Variants in CSE1L observed in about 807,000 individuals in gnomAD.
The protein encoded by CSE1L is chromosome segregation 1 like.
A neutral mutation model predicts 120.4 loss-of-function variants in CSE1L; 24 were observed. The observed-to-expected ratio is 0.20, with a 90% confidence interval of 0.14 to 0.28. CSE1L has a LOEUF of 0.28. CSE1L is among the 10% of genes least tolerant of loss of function. The probability of loss-of-function intolerance (pLI) is 1.00; values close to 1 mark genes in which losing one functional copy is unlikely to be tolerated. For synonymous variants in CSE1L, 402 were observed against 398.3 expected (o/e 1.01, Z -0.11); for missense variants, 830 against 1,145.2 (o/e 0.72, Z 3.97).
chr20:49,054,795 G>A (rs373328643), intron 1 of CSE1L, among the ~76,000 whole-genome samples: 1 of 152,180 alleles, frequency 6.6e-6, no homozygotes, highest in Non-Finnish European at 1.5e-5. Context: ...GCCAAGTATG[G>A]AGGAACCTAT....
chr20:49,070,835 C>G (rs538432766), intron 8 of CSE1L, among the ~76,000 whole-genome samples: 1 of 152,200 alleles, frequency 6.6e-6, no homozygotes, highest in East Asian at 1.9e-4. Context: ...ACTCAGAAGG[C>G]TTAGTTGTGA....
rs2092085908 is a variant in CSE1L, at chr20:49,089,662, A to G, written c.2097A>G (p.Gly699=). The change falls in exon 19 of 25, where the codon GGA becomes GGG. Residue 699 remains glycine (G), a synonymous_variant. Coordinates refer to ENST00000262982, the MANE Select transcript of CSE1L (RefSeq NM_001316.4). ...AGCCAGTGCTTTGGGAAAGAACAGG[A>G]AATATTCCTGCTCTAGTGAGGCTTC... ...LLQPVLWERT[G]NIPALVRLLQ... 1.9e-6 allele frequency: 3 copies of G among 1,614,090 alleles called. No individual in the cohort carries two copies. The South Asian group carries it at 3.3e-5, about 18-fold the overall frequency.
At chr20:49,069,330 G>A (rs2091915626) in intron 7 of CSE1L, among the ~76,000 whole-genome samples, 1 of 152,218 alleles carries the variant, frequency 6.6e-6, no homozygotes, top group Non-Finnish European at 1.5e-5. Context: ...AGCAGGGAAT[G>A]CCTAGTTACC....
At chr20:49,095,623 A>T (rs2092133518) in intron 24 of CSE1L, among the ~76,000 whole-genome samples, 1 of 151,838 alleles carries the variant, frequency 6.6e-6, no homozygotes, top group Admixed American at 6.6e-5. Context: ...ATTTTTTTTT[A>T]ATTGCAGCAT....
chr20:49,062,743 A>G (rs1291618021), intron 2 of CSE1L, among the ~76,000 whole-genome samples: 1 of 151,938 alleles, frequency 6.6e-6, no homozygotes, highest in African/African-American at 2.4e-5. Flanking sequence ...TATAATATAT[A>G]TGTAAATCGT....
intron 18 of CSE1L, 39 bp from the exon 19 acceptor site, chr20:49,089,499 T>G (rs372770724): frequency 1.9e-5 from 31 of 1,609,518 alleles, no homozygotes; most frequent in Non-Finnish European, 2.6e-5. Context: ...CAGTCATTCC[T>G]TCTGAAGCTC....
rs370094231 is a variant in CSE1L, at chr20:49,068,634, C to G, written c.568-81C>G. ...ATAAGTAAAATATGAATAGTCTCAG[C>G]TTAGTGCAAGGCTGTTTCACTAAGA... On this transcript the variant is annotated intron_variant, in intron 6 of 24. Coordinates refer to ENST00000262982, the MANE Select transcript of CSE1L (RefSeq NM_001316.4). 2.1e-5 allele frequency: 19 copies of G among 887,670 alleles called. No homozygotes were observed. In the African/African-American group the frequency reaches 2.8e-4, roughly 13 times the overall value. 55.0% of individuals were successfully genotyped at this position (887,670 alleles called of 1,614,324 possible).
intron 1 of CSE1L, among the ~76,000 whole-genome samples, chr20:49,048,818 T>G (rs1190269389): frequency 1.3e-5 from 2 of 152,186 alleles, no homozygotes; most frequent in Non-Finnish European, 2.9e-5. Flanking sequence ...GTTCTTCATG[T>G]GTGGGTGCCA....
rs183820543 is a variant in CSE1L, at chr20:49,073,725, A to G, written c.1066+1028A>G. Among the ~76,000 whole-genome samples, 549 of 151,984 alleles carry G rather than the reference A, an allele frequency of 3.6e-3. 3 individuals carry two copies. Among genetic ancestry groups the G allele is most frequent in the African/African-American group, 0.012 (518 of 41,466 alleles). ...GGTCTCAAACTCCTAGCTTCAAACA[A>G]TCCTTCTGCCTCAGCCTCTCAAAGT... is the stretch of plus-strand genomic sequence containing the variant. On this transcript the variant is annotated intron_variant, in intron 10 of 24. Transcript: ENST00000262982.
At chr20:49,058,827 C>T (rs2091829064) in intron 2 of CSE1L, among the ~76,000 whole-genome samples, 1 of 151,992 alleles carries the variant, frequency 6.6e-6, no homozygotes, top group African/African-American at 2.4e-5. Context: ...TCCAAAATAC[C>T]CACTTAAAAC....
At chr20:49,048,700 AC>A (rs1407809741) in intron 1 of CSE1L, among the ~76,000 whole-genome samples, 6 of 152,140 alleles carry the variant, frequency 3.9e-5, no homozygotes, top group Admixed American at 3.9e-4. Context: ...AATATCCAGG[AC>A]CCGGATCATA....
Position 49,070,308 on chromosome 20 carries a change from A to G in CSE1L, c.768+11A>G. The G allele has an allele frequency of 8.1e-7, 1 of 1,237,388 alleles. No homozygotes were observed. Among genetic ancestry groups the G allele is most frequent in the Non-Finnish European group, 1.2e-6 (1 of 863,536 alleles). 76.7% of individuals were successfully genotyped at this position (1,237,388 alleles called of 1,614,324 possible). A position where few individuals can be genotyped will look rare whatever the true frequency, so the allele number is the denominator to read the frequency against. ...CTTTTACAAACTGATGTAAGTATTT[A>G]AAATGTTGCCTGAGTGGTCTTTTTC... On this transcript the variant is annotated intron_variant, in intron 8 of 24. Transcript: ENST00000262982.
chr20:49,076,080 C>T (rs1460886886), intron 12 of CSE1L, among the ~76,000 whole-genome samples: 2 of 152,258 alleles, frequency 1.3e-5, no homozygotes, highest in Admixed American at 6.5e-5. Context: ...GATCCTCACA[C>T]CTCAGCCTCC....
chr20:49,063,838 T>G (rs1219008525), intron 3 of CSE1L, among the ~76,000 whole-genome samples: 1 of 152,240 alleles, frequency 6.6e-6, no homozygotes, highest in Non-Finnish European at 1.5e-5. Flanking sequence ...ATTTGCAGAA[T>G]GCAAAATAAT....
intron 1 of CSE1L, among the ~76,000 whole-genome samples, chr20:49,054,859 T>C (rs1273247073): frequency 1.3e-5 from 2 of 152,220 alleles, no homozygotes; most frequent in Admixed American, 1.3e-4. Flanking sequence ...TCTCTGTTAC[T>C]TTGCTCTCAC....
rs939704834 is a variant in CSE1L, at chr20:49,096,630, T to C, written c.*192T>C. On this transcript the variant is annotated 3_prime_UTR_variant, in exon 25 of 25. Transcript: ENST00000262982. ...TGGTTTGTGTGATCATACAGTTATG[T>C]GGGTGGCTTCTAGTTTGCAACTTCA... The C allele has an allele frequency of 8.4e-6, 5 of 598,796 alleles. No homozygotes were observed. Among genetic ancestry groups the C allele is most frequent in the African/African-American group, 1.9e-5 (1 of 53,810 alleles). The allele number at this position is 598,796 out of a possible 1,614,324, so 37.1% of individuals were successfully genotyped here. A position where few individuals can be genotyped will look rare whatever the true frequency, so the allele number is the denominator to read the frequency against.
At chr20:49,078,924 T>TA (rs2091989315) in intron 14 of CSE1L, among the ~76,000 whole-genome samples, 1 of 152,142 alleles carries the variant, frequency 6.6e-6, no homozygotes, top group African/African-American at 2.4e-5. Context: ...TGGAGTCTCA[T>TA]TCTGTCACCC....
intron 6 of CSE1L, among the ~76,000 whole-genome samples, chr20:49,067,729 TTTTTTTC>T (rs1003586970): frequency 1.3e-5 from 2 of 151,652 alleles, no homozygotes; most frequent in African/African-American, 2.4e-5. Flanking sequence ...ATATATATAC[TTTTTTTC>T]TTTTTTCTTT....
intron 1 of CSE1L, among the ~76,000 whole-genome samples, 190 bp downstream of exon 1, chr20:49,046,613 C>T (rs1350516245): frequency 6.6e-6 from 1 of 152,222 alleles, no homozygotes; most frequent in Non-Finnish European, 1.5e-5. Context: ...GAGCGCTTGC[C>T]GCGCCTCGCG....
Sources: allele counts gnomAD v4.1 joint callset (sites outside exome capture counted in the v4.1 genomes callset), GRCh38; gene constraint gnomAD v4.1.1; transcripts MANE v1.5; gene names NCBI Gene and HGNC (gene_info 2026-07-23, HGNC 2026-07-21).